The following C1orf185 variants were observed in gnomAD, a reference collection of about 807,000 sequenced individuals.
C1orf185 encodes uncharacterized protein C1orf185.
Under a neutral mutation model 16.1 loss-of-function variants are expected in C1orf185, and 13 were observed. The ratio of observed to expected loss-of-function variants is 0.81; its 90% CI spans 0.53 to 1.28. C1orf185 has a LOEUF of 1.28. C1orf185 is among the 50% of genes most tolerant of loss of function. The pLI, the probability that C1orf185 is intolerant of heterozygous loss-of-function variation, is 0.00. For synonymous variants in C1orf185, 80 were observed against 76.9 expected, an observed-to-expected ratio of 1.04 and a Z score of -0.21; for missense variants, 220 against 225.2, an observed-to-expected ratio of 0.98 and a Z score of 0.15.
intron 2 of C1orf185, among the ~76,000 whole-genome samples, chr1:51,113,736 T>A (rs1354185175): frequency 6.6e-6 from 1 of 152,214 alleles, no homozygotes; most frequent in Non-Finnish European, 1.5e-5. Context: ...CATTGTCTAA[T>A]GTTTAAAATA....
intron 3 of C1orf185, among the ~76,000 whole-genome samples, chr1:51,125,834 G>A (rs1052556034): frequency 6.6e-6 from 1 of 152,124 alleles, no homozygotes; most frequent in Admixed American, 6.6e-5. Context: ...AAGAGGAGGT[G>A]CCAGGTCATT....
chr1:51,117,393 A>C (rs1047171894), intron 2 of C1orf185, among the ~76,000 whole-genome samples: 1 of 152,182 alleles, frequency 6.6e-6, no homozygotes, highest in African/African-American at 2.4e-5. Context: ...TATAGTTTAC[A>C]TTAGGGTTCA....
chr1:51,117,991 G>A (rs1311164209), intron 2 of C1orf185, among the ~76,000 whole-genome samples: 1 of 152,124 alleles, frequency 6.6e-6, no homozygotes, highest in East Asian at 1.9e-4. Context: ...TAGGCTCACT[G>A]CAACCTCTAC....
intron 1 of C1orf185, among the ~76,000 whole-genome samples, chr1:51,102,684 T>C (rs1414463182): frequency 6.6e-6 from 1 of 152,124 alleles, no homozygotes; most frequent in Non-Finnish European, 1.5e-5. Context: ...TAGAGATTTG[T>C]CCATTTTATT....
intron 2 of C1orf185, among the ~76,000 whole-genome samples, chr1:51,115,811 C>A (rs1646153420): frequency 6.6e-6 from 1 of 152,058 alleles, no homozygotes; most frequent in Non-Finnish European, 1.5e-5. Context: ...GTGTCTTGCA[C>A]TAACATGGAA....
downstream of C1orf185, among the ~76,000 whole-genome samples, chr1:51,152,231 A>G (rs145675779): frequency 1.3e-5 from 2 of 152,338 alleles, no homozygotes; most frequent in African/African-American, 4.8e-5. Context: ...AACTGGACAT[A>G]GGGCGGAGGA....
At chr1:51,132,229 T>C (rs1399207695) in intron 3 of C1orf185, among the ~76,000 whole-genome samples, 1 of 152,232 alleles carries the variant, frequency 6.6e-6, no homozygotes, top group Non-Finnish European at 1.5e-5. Context: ...GCAAAGGTTC[T>C]GAACCAGGCT....
At chr1:51,140,186 C>T (rs758694230) in intron 3 of C1orf185, among the ~76,000 whole-genome samples, 9 of 152,324 alleles carry the variant, frequency 5.9e-5, no homozygotes, top group East Asian at 1.9e-4. Flanking sequence ...CGTTGTCTCA[C>T]GCCTCAAACA....
At chr1:51,106,344 A>G (rs1646071972) in intron 1 of C1orf185, among the ~76,000 whole-genome samples, 1 of 152,170 alleles carries the variant, frequency 6.6e-6, no homozygotes, top group African/African-American at 2.4e-5. Context: ...TCTTTATACA[A>G]ATAGTTTTTG....
At chr1:51,128,290 A>C (rs1032028043) in intron 3 of C1orf185, among the ~76,000 whole-genome samples, 4 of 152,182 alleles carry the variant, frequency 2.6e-5, no homozygotes, top group African/African-American at 9.7e-5. Context: ...AGATTTCCAA[A>C]GTGATTGTAA....
At chr1:51,135,067 A>G (rs1646313328) in intron 3 of C1orf185, among the ~76,000 whole-genome samples, 1 of 152,238 alleles carries the variant, frequency 6.6e-6, no homozygotes, top group Non-Finnish European at 1.5e-5. Flanking sequence ...TCAGGCCTAT[A>G]TCTTTGAAGA....
chr1:51,117,705 T>A (rs1386791947), intron 2 of C1orf185, among the ~76,000 whole-genome samples: 3 of 152,344 alleles, frequency 2.0e-5, no homozygotes, highest in Non-Finnish European at 2.9e-5. Context: ...TTCTTTCTTT[T>A]CAATACTGAA....
chr1:51,144,665 A>G (rs939878015), intron 3 of C1orf185, among the ~76,000 whole-genome samples: 2 of 152,106 alleles, frequency 1.3e-5, no homozygotes, highest in African/African-American at 4.8e-5. Flanking sequence ...GTGAGCTGTG[A>G]TCATGCCACT....
chr1:51,149,924 C>T (rs1310379311), downstream of C1orf185, among the ~76,000 whole-genome samples: 1 of 152,148 alleles, frequency 6.6e-6, no homozygotes, highest in Non-Finnish European at 1.5e-5. Context: ...TATAAAATCC[C>T]CTTTTTGCTT....
At chr1:51,149,443 A>G (rs1646419817), downstream of C1orf185, among the ~76,000 whole-genome samples, 1 of 152,208 alleles carries the variant, frequency 6.6e-6, no homozygotes, top group Non-Finnish European at 1.5e-5. Flanking sequence ...TAGCACATCT[A>G]TTGCTATCCT....
intron 3 of C1orf185, among the ~76,000 whole-genome samples, chr1:51,144,865 C>T (rs571794380): frequency 1.3e-5 from 2 of 152,266 alleles, no homozygotes; most frequent in East Asian, 3.9e-4. Flanking sequence ...TTCATCATCA[C>T]TCACTCCATC....
At chr1:51,118,243 G>A (rs1001882878) in intron 2 of C1orf185, among the ~76,000 whole-genome samples, 1 of 152,154 alleles carries the variant, frequency 6.6e-6, no homozygotes, top group Admixed American at 6.6e-5. Flanking sequence ...CCAGAAATAT[G>A]ATTAAATACC....
At chr1:51,133,056 A>G (rs190173404) in intron 3 of C1orf185, among the ~76,000 whole-genome samples, 1 of 152,346 alleles carries the variant, frequency 6.6e-6, no homozygotes, top group African/African-American at 2.4e-5. Context: ...GAGCTCCTGG[A>G]GGAAGCACTA....
downstream of C1orf185, among the ~76,000 whole-genome samples, chr1:51,150,620 G>T (rs945882234): frequency 3.9e-5 from 6 of 152,186 alleles, no homozygotes; most frequent in African/African-American, 1.4e-4. Context: ...AATTATGCCA[G>T]TCTAGAGTAA....
Sources: gnomAD v4.1 joint callset for allele counts (sites outside exome capture counted in the v4.1 genomes callset) on GRCh38, gnomAD v4.1.1 for gene constraint, MANE v1.5 for transcripts, NCBI Gene and HGNC (gene_info 2026-07-23, HGNC 2026-07-21) for gene names.